Variants in VPS13C observed in about 807,000 individuals in gnomAD.
VPS13C encodes the protein vacuolar protein sorting 13 homolog C.
Under a neutral mutation model 456.8 loss-of-function variants are expected in VPS13C, and 358 were observed. The observed-to-expected ratio is 0.78, with a 90% CI of 0.72 to 0.86. The LOEUF (loss-of-function observed/expected upper bound fraction) is 0.86. VPS13C is among the 40% of genes least tolerant of loss of function. VPS13C has a pLI of 0.00. For synonymous variants in VPS13C, 1,578 were observed against 1,486.7 expected, an observed-to-expected ratio of 1.06 and a Z score of -1.41; for missense variants, 4,818 against 4,385.4, an observed-to-expected ratio of 1.10 and a Z score of -2.79.
At chr15:61,928,594 A>G (rs2043947376) in intron 51 of VPS13C, among the ~76,000 whole-genome samples, 1 of 152,234 alleles carries the variant, frequency 6.6e-6, no homozygotes, top group Non-Finnish European at 1.5e-5. Flanking sequence ...TAACATAGAA[A>G]AGTCACTGAT....
intron 66 of VPS13C, among the ~76,000 whole-genome samples, chr15:61,894,539 T>C (rs562273626): frequency 2.0e-5 from 3 of 151,524 alleles, no homozygotes; most frequent in East Asian, 3.9e-4. Context: ...TAGAAGAAGA[T>C]ATTCCACACA....
chr15:62,039,819 A>T (rs1013583289), intron 3 of VPS13C, among the ~76,000 whole-genome samples: 1 of 152,116 alleles, frequency 6.6e-6, no homozygotes, highest in Admixed American at 6.5e-5. Context: ...AAAAACTAAA[A>T]ATAGAACTAC....
intron 81 of VPS13C, chr15:61,865,750 G>T: frequency 1.7e-6 from 1 of 583,762 alleles, no homozygotes; most frequent in Non-Finnish European, 2.2e-6. Context: ...ATATCTGTAT[G>T]TGTACATATA....
intron 24 of VPS13C, among the ~76,000 whole-genome samples, chr15:61,976,594 T>G (rs374153544): frequency 3.3e-5 from 5 of 152,014 alleles, no homozygotes; most frequent in Non-Finnish European, 7.4e-5. Flanking sequence ...CACGGCTATA[T>G]AGCTAAGGCA....
intron 67 of VPS13C, among the ~76,000 whole-genome samples, chr15:61,889,465 G>C (rs1896514177): frequency 6.6e-6 from 1 of 151,900 alleles, no homozygotes; most frequent in South Asian, 2.1e-4. Context: ...TGTGCTTCTT[G>C]ATAGATCCTA....
chr15:61,856,687 C>CTTTTTTTTTTTT (rs542779595), intron 82 of VPS13C: 1,219 of 114,560 alleles, frequency 0.011, 1 homozygote, highest in Middle Eastern at 0.028. Context: ...TTTTTCTTTT[C>CTTTTTTTTTTTT]TTTTTTTTTT....
At chr15:61,958,871 T>G (rs1018008854) in intron 36 of VPS13C, among the ~76,000 whole-genome samples, 155 bp from the exon 37 acceptor site, 1 of 152,104 alleles carries the variant, frequency 6.6e-6, no homozygotes, top group Non-Finnish European at 1.5e-5. Flanking sequence ...AGTATTGCAC[T>G]ACTTATTTCA....
intron 48 of VPS13C, among the ~76,000 whole-genome samples, chr15:61,934,679 T>C (rs1466989866): frequency 1.3e-5 from 2 of 152,206 alleles, no homozygotes; most frequent in African/African-American, 4.8e-5. Flanking sequence ...TCCAATACTT[T>C]GCCTTATATT....
chr15:61,986,191 A>C (rs968773499), intron 18 of VPS13C, among the ~76,000 whole-genome samples: 1 of 151,738 alleles, frequency 6.6e-6, no homozygotes, highest in African/African-American at 2.4e-5. Context: ...AAACCAGCAG[A>C]AACAACAGAA....
At chr15:61,995,129 A>G (rs955242449) in intron 16 of VPS13C, among the ~76,000 whole-genome samples, 8 of 152,138 alleles carry the variant, frequency 5.3e-5, no homozygotes, top group African/African-American at 1.9e-4. Context: ...TGCCCACATT[A>G]TTCTATAAAA....
chr15:61,895,662 C>T (rs762963452), intron 66 of VPS13C, among the ~76,000 whole-genome samples: 4 of 152,012 alleles, frequency 2.6e-5, no homozygotes, highest in African/African-American at 9.7e-5. Context: ...AAACAGAAAA[C>T]CTAATTGGAA....
intron 66 of VPS13C, among the ~76,000 whole-genome samples, chr15:61,890,816 G>A (rs531714164): frequency 6.6e-6 from 1 of 152,278 alleles, no homozygotes; most frequent in South Asian, 2.1e-4. Context: ...GGAGGCTGAA[G>A]CGGGCAAATC....
chr15:61,965,693 G>C (rs1396282310), intron 30 of VPS13C, among the ~76,000 whole-genome samples: 1 of 151,650 alleles, frequency 6.6e-6, no homozygotes, highest in Non-Finnish European at 1.5e-5. Flanking sequence ...AAGCTACTAC[G>C]TAAGTAGTGC....
chr15:61,992,511 T>C (rs552495193), intron 16 of VPS13C, among the ~76,000 whole-genome samples: 1 of 152,312 alleles, frequency 6.6e-6, no homozygotes, highest in East Asian at 1.9e-4. Flanking sequence ...TAACATATTG[T>C]AAGCCTCTGT....
intron 74 of VPS13C, 37 bp downstream of exon 74, chr15:61,878,570 A>G (rs755787401): frequency 6.3e-7 from 1 of 1,597,346 alleles, no homozygotes; most frequent in South Asian, 1.1e-5. Flanking sequence ...TGACCTTGGT[A>G]CACCTGCTTC....
At chr15:62,017,960 A>C (rs960390825) in intron 9 of VPS13C, among the ~76,000 whole-genome samples, 1 of 151,888 alleles carries the variant, frequency 6.6e-6, no homozygotes, top group Non-Finnish European at 1.5e-5. Flanking sequence ...CTTTTATTTC[A>C]TTGAGCAGTG....
rs188121900 is a variant in VPS13C at position 61,990,652 on chromosome 15, A to G, written c.1578+348T>C. Reference sequence around the variant, plus strand: ...ATGGCAAAACCTCGTCTCCACTAAAAACACAAAAATTAGCCAGGCAGGGTG... The same window carrying G: ...ATGGCAAAACCTCGTCTCCACTAAAGACACAAAAATTAGCCAGGCAGGGTG... On this transcript the variant is annotated intron_variant, in intron 18 of 84. Coordinates refer to ENST00000644861, the MANE Select transcript of VPS13C (RefSeq NM_020821.3). Among the ~76,000 whole-genome samples the G allele has an allele frequency of 2.5e-3, 382 of 152,174 alleles. 1 individual carries two copies. Among genetic ancestry groups the G allele is most frequent in the Non-Finnish European group, 1.3e-3 (87 of 67,996 alleles).
chr15:61,882,766 A>G (rs372599696), intron 68 of VPS13C, 30 bp from the exon 69 acceptor site: 3 of 1,563,880 alleles, frequency 1.9e-6, no homozygotes, highest in African/African-American at 1.4e-5. Context: ...TTTTGTGATG[A>G]GCTGATATTA....
intron 6 of VPS13C, among the ~76,000 whole-genome samples, chr15:62,025,395 C>A (rs1361360708): frequency 6.6e-6 from 1 of 152,070 alleles, no homozygotes; most frequent in Non-Finnish European, 1.5e-5. Context: ...GTGAAAGTCA[C>A]TGACTCTGTT....
Sources: allele counts gnomAD v4.1 joint callset (sites outside exome capture counted in the v4.1 genomes callset), GRCh38; gene constraint gnomAD v4.1.1; transcripts MANE v1.5; gene names NCBI Gene and HGNC (gene_info 2026-07-23, HGNC 2026-07-21).